LHFPL4: variants seen among roughly 807,000 people sequenced by gnomAD.
LHFPL4 encodes the protein LHFPL tetraspan subfamily member 4 protein.
Under a neutral mutation model 20.0 loss-of-function variants are expected in LHFPL4, and 6 were observed. The ratio of observed to expected loss-of-function variants is 0.30; its 90% CI spans 0.16 to 0.59. LHFPL4 has a LOEUF of 0.59. Among genes scored for constraint, LHFPL4 ranks in the 20% least tolerant of loss-of-function variants. The pLI is 0.88. For missense variants in LHFPL4, 215 were observed against 331.2 expected (o/e 0.65, Z 2.72); for synonymous variants, 129 against 143.8 (o/e 0.90, Z 0.74).
chr3:9,526,068 A>G (rs534420564), intron 2 of LHFPL4, among the ~76,000 whole-genome samples: 4 of 152,244 alleles, frequency 2.6e-5, no homozygotes, highest in Non-Finnish European at 5.9e-5. Flanking sequence ...ATTCTGACAC[A>G]TGATACAACA....
intron 2 of LHFPL4, among the ~76,000 whole-genome samples, chr3:9,549,052 A>C (rs2046535764): frequency 6.6e-6 from 1 of 152,186 alleles, no homozygotes; most frequent in South Asian, 2.1e-4. Context: ...CCCGAAGCCA[A>C]ATACTCCTGA....
intron 2 of LHFPL4, among the ~76,000 whole-genome samples, chr3:9,547,636 T>C (rs1283387240): frequency 2.6e-5 from 4 of 152,228 alleles, no homozygotes; most frequent in Admixed American, 2.6e-4. Flanking sequence ...GCACATTGGA[T>C]ATTCTTAGTA....
At chr3:9,515,512 T>A (rs1026584185) in intron 2 of LHFPL4, among the ~76,000 whole-genome samples, 15 of 152,130 alleles carry the variant, frequency 9.9e-5, no homozygotes, top group African/African-American at 3.4e-4. Context: ...TAACTGGGAC[T>A]ACAGGCATGC....
chr3:9,526,006 G>A (rs1285259217), intron 2 of LHFPL4, among the ~76,000 whole-genome samples: 1 of 152,170 alleles, frequency 6.6e-6, no homozygotes, highest in Non-Finnish European at 1.5e-5. Context: ...AAAAAAAGTA[G>A]GGGATGGTAT....
chr3:9,523,954 CAG>C (rs1308518526), intron 2 of LHFPL4, among the ~76,000 whole-genome samples: 1 of 151,266 alleles, frequency 6.6e-6, no homozygotes, highest in African/African-American at 2.4e-5. Context: ...AAGATAATTT[CAG>C]AGAGTACACA....
chr3:9,523,990 C>CG (rs112931913), intron 2 of LHFPL4, among the ~76,000 whole-genome samples: 3 of 137,570 alleles, frequency 2.2e-5, no homozygotes, highest in African/African-American at 5.9e-5. Flanking sequence ...ATTTCCCCCC[C>CG]CCCCAACACT....
intron 2 of LHFPL4, among the ~76,000 whole-genome samples, chr3:9,548,554 G>T (rs982590459): frequency 6.6e-6 from 1 of 152,088 alleles, no homozygotes. Flanking sequence ...CTCAAGCCTC[G>T]CTTCCCAACT....
intron 2 of LHFPL4, among the ~76,000 whole-genome samples, chr3:9,531,905 A>C (rs892359376): frequency 6.6e-6 from 1 of 152,238 alleles, no homozygotes; most frequent in Non-Finnish European, 1.5e-5. Context: ...GCCTAAGAAG[A>C]GGTAAAGAAT....
At chr3:9,521,549 C>T (rs924684967) in intron 2 of LHFPL4, among the ~76,000 whole-genome samples, 44 of 152,004 alleles carry the variant, frequency 2.9e-4, no homozygotes, top group African/African-American at 1.0e-3. Flanking sequence ...TACAGGGGCC[C>T]GCCACCACGC....
At position 9,523,532 on chromosome 3, in the gene LHFPL4, G is replaced by A. The variant is rs541657584; in HGVS notation, c.407-17329C>T. On this transcript the variant is annotated intron_variant, in intron 2 of 3. Transcript: ENST00000287585. ...CTGTCCGCCAGGCTGGAATGCAGTG[G>A]TGCGATTTCAGCTCACTGCAACCTC... is the stretch of plus-strand genomic sequence containing the variant. Among the ~76,000 whole-genome samples the A allele has an allele frequency of 7.3e-5, 11 of 151,246 alleles. No homozygotes were observed. The East Asian group carries it at 1.2e-3, about 16-fold the overall frequency.
intron 2 of LHFPL4, among the ~76,000 whole-genome samples, chr3:9,511,222 G>T (rs573478919): frequency 1.3e-5 from 2 of 150,410 alleles, no homozygotes; most frequent in African/African-American, 4.9e-5. Context: ...GTGGTGGCGG[G>T]TGCCTGTAGT....
chr3:9,503,327 T>TC (rs2046192244), intron 3 of LHFPL4, among the ~76,000 whole-genome samples: 1 of 152,120 alleles, frequency 6.6e-6, no homozygotes, highest in Non-Finnish European at 1.5e-5. Flanking sequence ...ATCAGTCACA[T>TC]CCCCACACCC....
At chr3:9,522,871 C>A (rs894201035) in intron 2 of LHFPL4, among the ~76,000 whole-genome samples, 2 of 151,074 alleles carry the variant, frequency 1.3e-5, no homozygotes, top group African/African-American at 4.9e-5. Context: ...GAAACCCCGT[C>A]TCTACTAAAA....
intron 2 of LHFPL4, among the ~76,000 whole-genome samples, chr3:9,526,918 A>G (rs2046379113): frequency 6.6e-6 from 1 of 152,148 alleles, no homozygotes; most frequent in Non-Finnish European, 1.5e-5. Flanking sequence ...CCTCCAGAAC[A>G]AGAATAAATT....
At position 9,502,268 on chromosome 3, in the gene LHFPL4, ACC is replaced by A; in HGVS notation, c.685_686del (p.Gly229Ter). 4 of 1,613,388 alleles carry A rather than the reference ACC, an allele frequency of 2.5e-6. No individual in the cohort carries two copies. The highest frequency in any genetic ancestry group is 3.4e-6 in the Non-Finnish European group (4 of 1,179,820). On this transcript the variant is annotated frameshift_variant, in exon 4 of 4. Coordinates refer to ENST00000287585, the MANE Select transcript of LHFPL4 (RefSeq NM_198560.3). LOFTEE classifies it high-confidence loss of function. The stretch of plus-strand genomic sequence containing the variant: ...GAAGGACTCCCCATCCAGAGACATC[ACC>A]CCCGGGCCGCAACACGGAGCTTACT... ...STVSSVLRPG[G>X]DVSGWGVLPC...
In LHFPL4 at chr3:9,552,413, G is replaced by A; in HGVS notation, c.267C>T (p.Ser89=). ...AGAAGGCGGCCGCCTTGAAGGCGCT[G>A]GACGGGATGGTGCTGAAGTCGGTGA... ...GSFTDFSTIP[S]SAFKAAAFFV... is the part of the protein sequence containing the mutation. Residue 89 remains serine, a synonymous_variant, in exon 2 of 4, where the codon TCC becomes TCT. Transcript: ENST00000287585. 1 of 1,613,878 alleles carries A rather than the reference G, an allele frequency of 6.2e-7. No individual in the cohort carries two copies. The highest frequency in any genetic ancestry group is 8.5e-7 in the Non-Finnish European group (1 of 1,180,008).
intron 2 of LHFPL4, among the ~76,000 whole-genome samples, chr3:9,531,209 T>A (rs1411986190): frequency 6.6e-6 from 1 of 152,100 alleles, no homozygotes; most frequent in Non-Finnish European, 1.5e-5. Context: ...AATAGAAAGG[T>A]TTGAGATATT....
At position 9,521,558 on chromosome 3, in the gene LHFPL4, G is replaced by A. The variant is rs561014829; in HGVS notation, c.407-15355C>T. On this transcript the variant is annotated intron_variant, in intron 2 of 3. Coordinates refer to ENST00000287585, the MANE Select transcript of LHFPL4 (RefSeq NM_198560.3). ...TGGGACTACAGGGGCCCGCCACCAC[G>A]CCCGGCTAATTTTTTTGTACTTTTT... Among the ~76,000 whole-genome samples, 9 of 151,956 alleles carry A rather than the reference G, an allele frequency of 5.9e-5. No homozygotes were observed. In the South Asian group the frequency reaches 1.0e-3, roughly 18 times the overall value.
chr3:9,532,229 A>G (rs1161372204), intron 2 of LHFPL4, among the ~76,000 whole-genome samples: 3 of 152,024 alleles, frequency 2.0e-5, no homozygotes, highest in Non-Finnish European at 4.4e-5. Context: ...GGATTTCACC[A>G]TGTTGGCCAG....
Sources: gnomAD v4.1 joint callset for allele counts (sites outside exome capture counted in the v4.1 genomes callset) on GRCh38, gnomAD v4.1.1 for gene constraint, MANE v1.5 for transcripts, NCBI Gene and HGNC (gene_info 2026-07-23, HGNC 2026-07-21) for gene names.